DCHS2: variants seen among roughly 807,000 people sequenced by gnomAD.
DCHS2 encodes protocadherin-23.
Under a neutral mutation model 182.4 loss-of-function variants are expected in DCHS2, and 142 were observed. The observed-to-expected ratio is 0.78, with a 90% CI of 0.68 to 0.89. DCHS2 has a LOEUF of 0.89. Among genes scored for constraint, DCHS2 ranks in the 40% least tolerant of loss-of-function variants. The pLI, the probability that DCHS2 is intolerant of heterozygous loss-of-function variation, is 0.00. For synonymous variants in DCHS2, 1,740 were observed against 1,663.3 expected (o/e 1.05, Z -1.12); for missense variants, 4,319 against 4,198.6 (o/e 1.03, Z -0.79).
rs1310590867 is a variant in DCHS2 at position 154,483,756 on chromosome 4, CAGGA to C, written c.2052+5544_2052+5547del. Among the ~76,000 whole-genome samples the C allele has an allele frequency of 1.4e-3, 217 of 152,222 alleles. 1 individual carries two copies. The highest frequency in any genetic ancestry group is 4.9e-3 in the African/African-American group (203 of 41,530). ...TCTCTGGGTTGTGGTCCTTGAGGCT[CAGGA>C]ATACAAGCACATAGCATTATCATCA... On this transcript the variant is annotated intron_variant, in intron 1 of 19. Transcript: ENST00000357232.
chr4:154,377,115 A>G, intron 2 of DCHS2, 138 bp downstream of exon 2: 1 of 775,178 alleles, frequency 1.3e-6, no homozygotes, highest in South Asian at 2.2e-5. Flanking sequence ...TTGCTTCAAA[A>G]AACTTCAGCA....
chr4:154,345,412 T>C (rs1729311960), intron 3 of DCHS2, among the ~76,000 whole-genome samples: 1 of 152,258 alleles, frequency 6.6e-6, no homozygotes, highest in Admixed American at 6.5e-5. Context: ...CTGATTCTAC[T>C]GGCCTGGCTT....
intron 1 of DCHS2, among the ~76,000 whole-genome samples, chr4:154,463,674 T>C (rs1326489866): frequency 6.7e-6 from 1 of 149,716 alleles, no homozygotes; most frequent in East Asian, 2.0e-4. Context: ...CTAAAAATCC[T>C]GTAAGCTATT....
At chr4:154,436,074 C>T (rs188349776) in intron 1 of DCHS2, among the ~76,000 whole-genome samples, 3 of 152,332 alleles carry the variant, frequency 2.0e-5, no homozygotes, top group Admixed American at 2.0e-4. Context: ...GCATAACCTT[C>T]TTTACTGCTC....
chr4:154,255,555 TTTG>T lies in DCHS2; in HGVS notation c.6902_6904del (p.Thr2301del), dbSNP rs751125859. ...GGTGAGCTCGTAATCTAGAATCGCT[TTTG>T]TTGTTATCACACCACTCAGTGCATC... On this transcript the variant is annotated inframe_deletion, in exon 16 of 20. Transcript: ENST00000357232. The T allele has an allele frequency of 1.7e-5, 28 of 1,613,886 alleles. No individual in the cohort carries two copies. The South Asian group carries it at 3.1e-4, about 18-fold the overall frequency.
intron 7 of DCHS2, among the ~76,000 whole-genome samples, chr4:154,326,001 TGTATA>T (rs1334130071): frequency 6.6e-6 from 1 of 152,246 alleles, no homozygotes; most frequent in Non-Finnish European, 1.5e-5. Context: ...TTTTCATTGC[TGTATA>T]GTATTCCGTG....
At chr4:154,434,665 T>C (rs1428380945) in intron 1 of DCHS2, among the ~76,000 whole-genome samples, 1 of 152,114 alleles carries the variant, frequency 6.6e-6, no homozygotes, top group Non-Finnish European at 1.5e-5. Flanking sequence ...ATGAAGATAA[T>C]GTGCTTCCCA....
At position 154,484,024 on chromosome 4, in the gene DCHS2, A is replaced by G. The variant is rs368017617; in HGVS notation, c.2052+5280T>C. 3.0e-3 allele frequency among the ~76,000 whole-genome samples: 457 copies of G among 152,324 alleles called. 18 individuals carry two copies. In the South Asian group the frequency reaches 0.068, roughly 23 times the overall value. On this transcript the variant is annotated intron_variant, in intron 1 of 19. Transcript: ENST00000357232. ...CTACTGGCCGTTAATTCACACTGAA[A>G]TCAAAAACTCGAGAGAGCCAGCATC...
intron 17 of DCHS2, among the ~76,000 whole-genome samples, chr4:154,241,405 A>G (rs76055212): frequency 0.013 from 2,012 of 152,296 alleles, 40 homozygotes; most frequent in African/African-American, 0.046. Context: ...TCTACATAGT[A>G]CTAGTGAGGA....
chr4:154,342,983 G>A (rs148494042), intron 3 of DCHS2, among the ~76,000 whole-genome samples: 8 of 152,280 alleles, frequency 5.3e-5, no homozygotes, highest in Admixed American at 3.9e-4. Flanking sequence ...ATGGATGCAT[G>A]GATTGCAGAA....
In DCHS2 at chr4:154,297,883, T is replaced by C. The variant is rs1227893951; in HGVS notation, c.6431A>G (p.Tyr2144Cys). ...DVKISFSHHL[Y>C]KGLVTENCEA... ...ACAATTTTCAGTCACGAGCCCTTTA[T>C]ACAGGTGGTGGCTGAAGGAAATCTT... Residue 2144 changes from tyrosine (Y) to cysteine (C), a missense_variant, in exon 13 of 20, where the codon TAT becomes TGT. Physicochemically the swap from Tyr to Cys is radical, Grantham distance 194. Coordinates refer to ENST00000357232, the MANE Select transcript of DCHS2 (RefSeq NM_001358235.2). 1.9e-6 allele frequency: 3 copies of C among 1,613,952 alleles called. No individual in the cohort carries two copies. Among genetic ancestry groups the C allele is most frequent in the Non-Finnish European group, 2.5e-6 (3 of 1,179,878 alleles).
At chr4:154,328,233 GT>G in intron 6 of DCHS2, 41 bp from the exon 7 acceptor site, 1 of 1,478,106 alleles carries the variant, frequency 6.8e-7, no homozygotes, top group African/African-American at 1.4e-5. Flanking sequence ...GTCAGCAAAA[GT>G]TTAAAAAGAA....
intron 3 of DCHS2, among the ~76,000 whole-genome samples, chr4:154,358,390 A>G (rs1729969907): frequency 6.6e-6 from 1 of 152,154 alleles, no homozygotes; most frequent in Non-Finnish European, 1.5e-5. Context: ...AGTTACTATA[A>G]TCAATACATA....
rs1731460923 is a variant in DCHS2, at chr4:154,235,901, G to A, written c.8751C>T (p.Tyr2917=). 2 of 1,614,046 alleles carry A rather than the reference G, an allele frequency of 1.2e-6. No individual in the cohort carries two copies. Among genetic ancestry groups the A allele is most frequent in the East Asian group, 4.5e-5 (2 of 44,854 alleles). ...AGAAAGGAGATGAGGTTCCAAGGGA[G>A]TAAAGAATGACTCCATCAATACCAG... is the stretch of plus-strand genomic sequence containing the variant. The part of the protein sequence containing the change: ...ADAGIDGVIL[Y]SLGTSSPFFS... Residue 2917 remains tyrosine, a synonymous_variant, in exon 20 of 20, where the codon TAC becomes TAT. Transcript: ENST00000357232.
intron 15 of DCHS2, among the ~76,000 whole-genome samples, chr4:154,259,130 T>C (rs1041758009): frequency 6.6e-6 from 1 of 152,172 alleles, no homozygotes; most frequent in African/African-American, 2.4e-5. Context: ...AGCAGATCCG[T>C]CCACATGCCT....
At chr4:154,352,953 A>G (rs1729688685) in intron 3 of DCHS2, among the ~76,000 whole-genome samples, 1 of 152,204 alleles carries the variant, frequency 6.6e-6, no homozygotes, top group Non-Finnish European at 1.5e-5. Flanking sequence ...TAGGTCCACA[A>G]AGGTTTCAGT....
At position 154,491,223 on chromosome 4, in the gene DCHS2, G is replaced by T. The variant is rs1476515580; in HGVS notation, c.133C>A (p.Arg45Ser). 6.4e-7 allele frequency: 1 copy of T among 1,551,358 alleles called. No individual in the cohort carries two copies. Among genetic ancestry groups the T allele is most frequent in the Non-Finnish European group, 8.7e-7 (1 of 1,146,930 alleles). Reference sequence around the variant, plus strand: ...TGCACCAAGAGCCAGAGCAGGGAGCGCTGCGTCCTGGCGCCGCTGCTGCCT... The same window carrying T: ...TGCACCAAGAGCCAGAGCAGGGAGCTCTGCGTCCTGGCGCCGCTGCTGCCT... ...RSGSSGARTQ[R>S]SLLWLLVHVW... Residue 45 changes from arginine (R) to serine (S), a missense_variant, in exon 1 of 20, where the codon CGC (arginine) becomes AGC (serine). Arg to Ser is a moderately radical substitution (Grantham distance 110). Transcript: ENST00000357232.
At chr4:154,437,725 C>T (rs938475606) in intron 1 of DCHS2, among the ~76,000 whole-genome samples, 1 of 152,136 alleles carries the variant, frequency 6.6e-6, no homozygotes, top group Non-Finnish European at 1.5e-5. Context: ...CCTCTTTCAA[C>T]TTTTCTCTAA....
rs1728614826 is a variant in DCHS2 at position 154,333,453 on chromosome 4, G to A, written c.2755C>T (p.Leu919Phe). The A allele has an allele frequency of 6.2e-7, 1 of 1,613,794 alleles. No individual in the cohort carries two copies. Among genetic ancestry groups the A allele is most frequent in the African/African-American group, 1.3e-5 (1 of 74,914 alleles). The change falls in exon 5 of 20, where the codon CTC (leucine) becomes TTC (phenylalanine). Residue 919 changes from leucine to phenylalanine, a missense_variant. Transcript: ENST00000357232. ...GGGTGAATGGAGAACTTTCCGCCGA[G>A]ATCACCAGAAGAAATCCTGTAAAAG... The part of the protein sequence containing the change: ...PIFYRISSGD[L>F]GGKFSIHPRL...
Sources: allele counts gnomAD v4.1 joint callset (sites outside exome capture counted in the v4.1 genomes callset), GRCh38; gene constraint gnomAD v4.1.1; transcripts MANE v1.5; gene names NCBI Gene and HGNC (gene_info 2026-07-23, HGNC 2026-07-21).